TSGA13: variants seen among roughly 807,000 people sequenced by gnomAD.
TSGA13 encodes testis specific 13, also known as testis-specific gene 13 protein.
In TSGA13, 37 loss-of-function variants were observed where a neutral mutation model predicts 35.1. The ratio of observed to expected loss-of-function variants is 1.05; its 90% CI spans 0.81 to 1.39. The LOEUF is 1.39. TSGA13 is among the 40% of genes most tolerant of loss of function. The pLI is 0.00. For synonymous variants in TSGA13, 124 were observed against 121.2 expected (o/e 1.02, Z -0.15); for missense variants, 338 against 328.5 (o/e 1.03, Z -0.22).
Position 130,681,116 on chromosome 7 carries a change from T to C in TSGA13, c.103-99A>G, listed in dbSNP as rs1796535832. On this transcript the variant is annotated intron_variant, in intron 3 of 7. Transcript: ENST00000356588. The stretch of plus-strand genomic sequence containing the variant: ...TTAGTCTCACTGGAGAACTGGTCTC[T>C]AACTTACACTAAGTAAGTTAGAGAA... 3.1e-6 allele frequency: 3 copies of C among 967,772 alleles called. No individual in the cohort carries two copies. The African/African-American group carries it at 4.9e-5, about 16-fold the overall frequency. The allele number at this position is 967,772 out of a possible 1,614,324, so 59.9% of individuals were successfully genotyped here. A position where few individuals can be genotyped will look rare whatever the true frequency, so the allele number is the denominator to read the frequency against.
At chr7:130,679,121 T>C in intron 5 of TSGA13, 34 bp downstream of exon 5, 1 of 1,544,446 alleles carries the variant, frequency 6.5e-7, no homozygotes, top group Non-Finnish European at 8.9e-7. Flanking sequence ...TTCGTCAGGG[T>C]TCACATTTTG....
chr7:130,681,968 C>A (rs1285911926), intron 3 of TSGA13, among the ~76,000 whole-genome samples: 8 of 151,936 alleles, frequency 5.3e-5, no homozygotes, highest in Admixed American at 4.6e-4. Context: ...AATACAGGGT[C>A]TCACTGTGTC....
chr7:130,670,943 A>C (rs1450617889), intron 7 of TSGA13, among the ~76,000 whole-genome samples: 1 of 151,350 alleles, frequency 6.6e-6, no homozygotes, highest in East Asian at 2.0e-4. Flanking sequence ...GATCTGTTTC[A>C]TCTCTTTCAC....
intron 4 of TSGA13, among the ~76,000 whole-genome samples, chr7:130,680,015 G>A (rs1796507062): frequency 6.6e-6 from 1 of 152,124 alleles, no homozygotes; most frequent in Admixed American, 6.5e-5. Flanking sequence ...AACCTAATTG[G>A]CCTTGTCTCT....
rs1214652270 is a variant in TSGA13, at chr7:130,668,653, C to G, written c.*361G>C. 2 of 1,543,158 alleles carry G rather than the reference C, an allele frequency of 1.3e-6. No homozygotes were observed. The highest frequency in any genetic ancestry group is 1.7e-6 in the Non-Finnish European group (2 of 1,147,094). On this transcript the variant is annotated 3_prime_UTR_variant, in exon 8 of 8. Coordinates refer to ENST00000356588, the MANE Select transcript of TSGA13 (RefSeq NM_052933.4). ...GTACCAGACTCCTCGTCCTTCTTGT[C>G]GAATTTTTTAATCATCTTGGACGAC...
rs1554462067 is a variant in TSGA13 at position 130,668,673 on chromosome 7, G to C, written c.*341C>G. ...CTTGTCGAATTTTTTAATCATCTTG[G>C]ACGACTTCCCAGCGCCCAGACCCAC... On this transcript the variant is annotated 3_prime_UTR_variant, in exon 8 of 8. Transcript: ENST00000356588. 1 of 1,540,102 alleles carries C rather than the reference G, an allele frequency of 6.5e-7. No individual in the cohort carries two copies. The highest frequency in any genetic ancestry group is 1.2e-5 in the South Asian group (1 of 82,230).
At chr7:130,677,807 A>C (rs1428739848) in intron 5 of TSGA13, among the ~76,000 whole-genome samples, 1 of 151,788 alleles carries the variant, frequency 6.6e-6, no homozygotes, top group African/African-American at 2.4e-5. Context: ...CTGATTTGAT[A>C]TTTTCCTGTT....
In TSGA13 at chr7:130,683,675, G is replaced by T; in HGVS notation, c.24-3C>A. Reference sequence around the variant, plus strand: ...TCTTTGATTTGCCATTTTGAAACCTGAAAAAGAGGCAGAACATCCGGTTGC... The same window carrying T: ...TCTTTGATTTGCCATTTTGAAACCTTAAAAAGAGGCAGAACATCCGGTTGC... On this transcript the variant is annotated splice_region_variant and splice_polypyrimidine_tract_variant and intron_variant, in intron 2 of 7. Transcript: ENST00000356588. 6.2e-7 allele frequency: 1 copy of T among 1,613,488 alleles called. No individual in the cohort carries two copies. Among genetic ancestry groups the T allele is most frequent in the South Asian group, 1.1e-5 (1 of 91,008 alleles).
At chr7:130,680,886 A>G in intron 4 of TSGA13, 60 bp downstream of exon 4, 1 of 1,480,602 alleles carries the variant, frequency 6.8e-7, no homozygotes. Flanking sequence ...CGCAGTGGGC[A>G]TCTGCACCAC....
chr7:130,672,664 C>T (rs1796305866), intron 6 of TSGA13, 70 bp downstream of exon 6: 8 of 1,565,146 alleles, frequency 5.1e-6, no homozygotes, highest in Non-Finnish European at 6.1e-6. Context: ...AATTGTATGG[C>T]AAAGAACCAG....
intron 4 of TSGA13, among the ~76,000 whole-genome samples, chr7:130,680,407 G>A (rs1796515993): frequency 6.6e-6 from 1 of 151,858 alleles, no homozygotes; most frequent in Non-Finnish European, 1.5e-5. Context: ...TCGGGAGGCT[G>A]AGGCAGGAGA....
At chr7:130,683,248 C>T (rs1332142883) in intron 3 of TSGA13, among the ~76,000 whole-genome samples, 1 of 152,170 alleles carries the variant, frequency 6.6e-6, no homozygotes, top group African/African-American at 2.4e-5. Context: ...GGAAAATTCA[C>T]TTGAATGTGG....
Position 130,669,079 on chromosome 7 carries a change from C to T in TSGA13, c.763G>A (p.Glu255Lys), listed in dbSNP as rs1215323510. ...EDMPTRTAPG[E>K]SAFRNGRAPQ... Reference sequence around the variant, plus strand: ...GCCCTCCCGTTGCGGAAGGCGCTCTCCCCGGGCGCGGTTCTGGTGGGCATG... The same window carrying T: ...GCCCTCCCGTTGCGGAAGGCGCTCTTCCCGGGCGCGGTTCTGGTGGGCATG... The change falls in exon 8 of 8, where the codon GAG (glutamate) becomes AAG (lysine). Residue 255 changes from glutamate to lysine, a missense_variant. Coordinates refer to ENST00000356588, the MANE Select transcript of TSGA13 (RefSeq NM_052933.4). The T allele has an allele frequency of 1.2e-6, 2 of 1,614,248 alleles. No homozygotes were observed. Among genetic ancestry groups the T allele is most frequent in the Non-Finnish European group, 8.5e-7 (1 of 1,180,046 alleles).
intron 7 of TSGA13, among the ~76,000 whole-genome samples, chr7:130,670,076 C>G (rs181381825): frequency 1.3e-5 from 2 of 152,318 alleles, no homozygotes; most frequent in Admixed American, 6.5e-5. Flanking sequence ...CTAAGACTAG[C>G]CCCTTGTAAA....
Position 130,668,810 on chromosome 7 carries a change from C to G in TSGA13, c.*204G>C. On this transcript the variant is annotated 3_prime_UTR_variant, in exon 8 of 8. Coordinates refer to ENST00000356588, the MANE Select transcript of TSGA13 (RefSeq NM_052933.4). ...GCCTTCACTCGGGGCCAAGGCCCGC[C>G]CTCCCCGGCCGCCCTCGGCCCCCGG... 7.9e-7 allele frequency: 1 copy of G among 1,262,784 alleles called. No individual in the cohort carries two copies. Among genetic ancestry groups the G allele is most frequent in the Non-Finnish European group, 1.1e-6 (1 of 944,386 alleles). The allele number at this position is 1,262,784 out of a possible 1,614,324, so 78.2% of individuals were successfully genotyped here. A position where few individuals can be genotyped will look rare whatever the true frequency, so the allele number is the denominator to read the frequency against.
Position 130,668,714 on chromosome 7 carries a change from C to T in TSGA13, c.*300G>A. ...CCAGACCCACCGCAACCGTCCCAGG[C>T]GCCGCAGCCGGCGAGCGGAAGAGGC... On this transcript the variant is annotated 3_prime_UTR_variant, in exon 8 of 8. Coordinates refer to ENST00000356588, the MANE Select transcript of TSGA13 (RefSeq NM_052933.4). 9 of 1,508,826 alleles carry T rather than the reference C, an allele frequency of 6.0e-6. No homozygotes were observed. Among genetic ancestry groups the T allele is most frequent in the Non-Finnish European group, 6.2e-6 (7 of 1,128,138 alleles). 93.5% of individuals were successfully genotyped at this position (1,508,826 alleles called of 1,614,324 possible). A position where few individuals can be genotyped will look rare whatever the true frequency, so the allele number is the denominator to read the frequency against.
At chr7:130,675,887 C>T (rs1276371489) in intron 5 of TSGA13, among the ~76,000 whole-genome samples, 1 of 152,208 alleles carries the variant, frequency 6.6e-6, no homozygotes, top group African/African-American at 2.4e-5. Context: ...TCACAGGTCA[C>T]TACCCAGCCT....
In TSGA13 at chr7:130,668,720, A is replaced by C; in HGVS notation, c.*294T>G. ...CCACCGCAACCGTCCCAGGCGCCGC[A>C]GCCGGCGAGCGGAAGAGGCTGCAGG... On this transcript the variant is annotated 3_prime_UTR_variant, in exon 8 of 8. Coordinates refer to ENST00000356588, the MANE Select transcript of TSGA13 (RefSeq NM_052933.4). 6.7e-7 allele frequency: 1 copy of C among 1,502,966 alleles called. No homozygotes were observed. Among genetic ancestry groups the C allele is most frequent in the South Asian group, 1.3e-5 (1 of 78,790 alleles). The allele number at this position is 1,502,966 out of a possible 1,614,324, so 93.1% of individuals were successfully genotyped here. A position where few individuals can be genotyped will look rare whatever the true frequency, so the allele number is the denominator to read the frequency against.
In TSGA13 at chr7:130,685,309, C is replaced by A. The variant is rs1796636721; in HGVS notation, c.-99G>T. On this transcript the variant is annotated 5_prime_UTR_variant, in exon 2 of 8. Coordinates refer to ENST00000356588, the MANE Select transcript of TSGA13 (RefSeq NM_052933.4). ...ACGTTCTGCAGGGGTTCAATTCAAT[C>A]CAAATATTCTTTCCTTAGCACACAG... The A allele has an allele frequency of 6.3e-7, 1 of 1,586,148 alleles. No homozygotes were observed. The highest frequency in any genetic ancestry group is 1.7e-5 in the Admixed American group (1 of 59,608).
Sources: gnomAD v4.1 joint callset for allele counts (sites outside exome capture counted in the v4.1 genomes callset) on GRCh38, gnomAD v4.1.1 for gene constraint, MANE v1.5 for transcripts, NCBI Gene and HGNC (gene_info 2026-07-23, HGNC 2026-07-21) for gene names.